The following DEAF1 variants were observed in gnomAD, a reference collection of about 807,000 sequenced individuals.
DEAF1 encodes the protein DEAF1 transcription factor.
In DEAF1, 53 loss-of-function variants were observed where a neutral mutation model predicts 58.9. The ratio of observed to expected loss-of-function variants is 0.90; its 90% confidence interval spans 0.72 to 1.13. The LOEUF is 1.13. Ranked by LOEUF, DEAF1 falls within the 50% of genes most tolerant of loss-of-function variation. The pLI is 0.00. For missense variants in DEAF1, 685 were observed against 791.4 expected (o/e 0.87, Z 1.61); for synonymous variants, 385 against 340.4 (o/e 1.13, Z -1.44).
upstream of DEAF1, chr11:695,480 G>C (rs1487416357): frequency 2.8e-6 from 2 of 713,456 alleles, no homozygotes; most frequent in African/African-American, 3.7e-5. Context: ...GCAGATTCTC[G>C]CCGGCGGCCG....
At chr11:671,052 C>T (rs1257742204) in intron 10 of DEAF1, among the ~76,000 whole-genome samples, 3 of 151,154 alleles carry the variant, frequency 2.0e-5, no homozygotes, top group Non-Finnish European at 4.4e-5. Flanking sequence ...CCTCAGCCTC[C>T]CAAGGAGCTG....
rs192096493 is a variant in DEAF1 at position 647,404 on chromosome 11, A to G, written c.1594-2750T>C. On this transcript the variant is annotated intron_variant, in intron 11 of 11. Transcript: ENST00000382409. ...TGGGAAGTGGAGGTTGCAGTGAGCC[A>G]AGATCGCGCCGCTGCACTCCAGCCT... Among the ~76,000 whole-genome samples the G allele has an allele frequency of 5.6e-4, 85 of 151,900 alleles. 1 individual carries two copies. In the East Asian group the frequency reaches 0.014, roughly 25 times the overall value.
chr11:704,655 G>A, intron 1 of DEAF1: 1 of 1,288,582 alleles, frequency 7.8e-7, no homozygotes, highest in East Asian at 5.6e-5. Flanking sequence ...AATGGATCCT[G>A]ATACCTCCAG....
intron 10 of DEAF1, among the ~76,000 whole-genome samples, chr11:657,005 C>T (rs934771984): frequency 6.6e-6 from 1 of 152,118 alleles, no homozygotes; most frequent in Non-Finnish European, 1.5e-5. Context: ...TGTTCATACA[C>T]ACAGGTGACA....
chr11:678,490 A>G (rs1399014535), intron 9 of DEAF1: 1 of 686,018 alleles, frequency 1.5e-6, no homozygotes, highest in Admixed American at 2.3e-5. Context: ...TCCACAGCAC[A>G]CACATGAATG....
intron 10 of DEAF1, among the ~76,000 whole-genome samples, chr11:663,762 CT>C: frequency 6.6e-6 from 1 of 152,200 alleles, no homozygotes; most frequent in East Asian, 1.9e-4. Flanking sequence ...GAATACCAGG[CT>C]TTTGGCCTTT....
intron 7 of DEAF1, among the ~76,000 whole-genome samples, chr11:680,676 CCT>C (rs1353322354): frequency 2.0e-5 from 3 of 152,178 alleles, no homozygotes; most frequent in African/African-American, 7.2e-5. Context: ...GGAAACGTCC[CCT>C]GAGCGTGTGC....
At chr11:705,630 C>T (rs12804878) in intron 1 of DEAF1, among the ~76,000 whole-genome samples, 91,872 of 152,016 alleles carry the variant, frequency 0.6, 29,509 homozygotes, top group African/African-American at 0.84. Flanking sequence ...GTGGGCATGG[C>T]TGGGTCCTGC....
intron 10 of DEAF1, chr11:654,707 A>G: frequency 2.3e-6 from 1 of 440,114 alleles, no homozygotes; most frequent in Non-Finnish European, 4.6e-6. Context: ...AGTCTCTACT[A>G]AAAATACAAA....
At chr11:668,317 T>A (rs1472669576) in intron 10 of DEAF1, among the ~76,000 whole-genome samples, 1 of 152,202 alleles carries the variant, frequency 6.6e-6, no homozygotes, top group African/African-American at 2.4e-5. Flanking sequence ...CTTGACCTAA[T>A]GACATTACAG....
chr11:674,908 G>T, intron 9 of DEAF1, 125 bp from the exon 10 acceptor site: 2 of 1,278,000 alleles, frequency 1.6e-6, no homozygotes, highest in Non-Finnish European at 2.2e-6. Context: ...ACTTTGGGAG[G>T]CCAAGGCAGG....
chr11:705,749 G>A (rs1861685262), intron 1 of DEAF1, among the ~76,000 whole-genome samples: 1 of 152,164 alleles, frequency 6.6e-6, no homozygotes, highest in Non-Finnish European at 1.5e-5. Context: ...CACCTGGCCC[G>A]GCGGAGGCTC....
chr11:676,853 C>G (rs1860102915), intron 9 of DEAF1, among the ~76,000 whole-genome samples: 1 of 152,152 alleles, frequency 6.6e-6, no homozygotes, highest in Non-Finnish European at 1.5e-5. Flanking sequence ...AGCACAAACC[C>G]TGAGGTTCTG....
exon 1 of DEAF1, chr11:706,849 G>A: frequency 6.5e-6 from 1 of 153,096 alleles, no homozygotes. Context: ...GGGAGGAGGG[G>A]AGGCTGGGAC....
intron 10 of DEAF1, among the ~76,000 whole-genome samples, chr11:671,143 T>C (rs1859807780): frequency 6.6e-6 from 1 of 151,618 alleles, no homozygotes; most frequent in Non-Finnish European, 1.5e-5. Flanking sequence ...TTAGCCAGGA[T>C]GGTCTCGATC....
In DEAF1 at chr11:694,698, C is replaced by CAGGCGCGCGGGGT. The variant is rs776286765; in HGVS notation, c.289+48_289+60dup. 148 of 1,272,642 alleles carry CAGGCGCGCGGGGT rather than the reference C, an allele frequency of 1.2e-4. No individual in the cohort carries two copies. In the African/African-American group the frequency reaches 2.0e-3, roughly 17 times the overall value. The allele number at this position is 1,272,642 out of a possible 1,614,324, so 78.8% of individuals were successfully genotyped here. ...GGTCACCTGGGACAGTTGTGCGGGG[C>CAGGCGCGCGGGGT]AGGCGCGCGGGGTAGGCGCGCGGGA... On this transcript the variant is annotated intron_variant, in intron 1 of 11. Transcript: ENST00000382409.
intron 9 of DEAF1, among the ~76,000 whole-genome samples, chr11:676,297 G>A (rs1484330630): frequency 1.6e-3 from 19 of 11,904 alleles, no homozygotes; most frequent in African/African-American, 7.0e-3. Flanking sequence ...CCCAGCACCC[G>A]ACACCCCCAG....
At chr11:655,073 A>G (rs561195606) in intron 10 of DEAF1, among the ~76,000 whole-genome samples, 2 of 150,482 alleles carry the variant, frequency 1.3e-5, no homozygotes, top group South Asian at 4.2e-4. Context: ...ACAAACAAAC[A>G]AAAACAAAGG....
chr11:700,496 C>T, intron 1 of DEAF1: 2 of 868,704 alleles, frequency 2.3e-6, no homozygotes, highest in South Asian at 1.4e-5. Context: ...CACTGAACTC[C>T]ATCCTGGGTG....
Sources: gnomAD v4.1 joint callset for allele counts (sites outside exome capture counted in the v4.1 genomes callset) on GRCh38, gnomAD v4.1.1 for gene constraint, MANE v1.5 for transcripts, NCBI Gene and HGNC (gene_info 2026-07-23, HGNC 2026-07-21) for gene names.